Variants in PLCB4 observed in about 807,000 individuals in gnomAD.
PLCB4 encodes the protein phospholipase C beta 4.
A neutral mutation model predicts 178.8 loss-of-function variants in PLCB4; 77 were observed. The observed-to-expected ratio is 0.43, with a 90% CI of 0.36 to 0.52. The LOEUF is 0.52. Ranked by LOEUF, PLCB4 falls within the 20% of genes least tolerant of loss-of-function variation. The pLI, the probability that PLCB4 is intolerant of heterozygous loss-of-function variation, is 0.00. For missense variants in PLCB4, 1,024 were observed against 1,453.4 expected (o/e 0.70, Z 4.80); for synonymous variants, 496 against 490.8 (o/e 1.01, Z -0.14).
chr20:9,347,149 A>G (rs1198001213), intron 7 of PLCB4, among the ~76,000 whole-genome samples: 2 of 152,176 alleles, frequency 1.3e-5, no homozygotes, highest in African/African-American at 4.8e-5. Flanking sequence ...AGCTGAAAAC[A>G]TGTCAGGCAA....
intron 3 of PLCB4, among the ~76,000 whole-genome samples, chr20:9,242,460 C>A (rs1291273285): frequency 6.6e-6 from 1 of 152,198 alleles, no homozygotes; most frequent in African/African-American, 2.4e-5. Flanking sequence ...GACAAGCTTG[C>A]CTCAGGGTGA....
intron 28 of PLCB4, among the ~76,000 whole-genome samples, chr20:9,430,459 C>T (rs1362612018): frequency 6.6e-6 from 1 of 152,196 alleles, no homozygotes; most frequent in Non-Finnish European, 1.5e-5. Flanking sequence ...AAGGCAGCCT[C>T]TAACTGCAAA....
At position 9,449,504 on chromosome 20, in the gene PLCB4, C is replaced by T. The variant is rs142906940; in HGVS notation, c.2881-3843C>T. ...GGAGAGTAGATGGGTCAGTCGTGTC[C>T]TCTTAAAGGAGAGTCAAAAAATCAG... On this transcript the variant is annotated intron_variant, in intron 32 of 39. Transcript: ENST00000378473. Among the ~76,000 whole-genome samples the T allele has an allele frequency of 5.3e-5, 8 of 152,212 alleles. No homozygotes were observed. In the East Asian group the frequency reaches 5.8e-4, roughly 11 times the overall value.
intron 3 of PLCB4, among the ~76,000 whole-genome samples, chr20:9,267,809 T>C (rs2094364006): frequency 6.6e-6 from 1 of 152,116 alleles, no homozygotes; most frequent in Admixed American, 6.5e-5. Flanking sequence ...GCCCTCATGA[T>C]AGATTTATTT....
chr20:9,282,128 T>C (rs1229159463), intron 3 of PLCB4, among the ~76,000 whole-genome samples: 1 of 151,896 alleles, frequency 6.6e-6, no homozygotes, highest in Non-Finnish European at 1.5e-5. Flanking sequence ...AAAAGAGATA[T>C]AGAACAAAAT....
chr20:9,192,518 AT>A (rs1439596524), intron 2 of PLCB4, among the ~76,000 whole-genome samples: 6 of 143,526 alleles, frequency 4.2e-5, no homozygotes, highest in Admixed American at 1.4e-4. Flanking sequence ...AGAGTCTTGA[AT>A]TTTTTTTTCT....
intron 3 of PLCB4, among the ~76,000 whole-genome samples, chr20:9,229,671 T>C (rs564039068): frequency 6.6e-6 from 1 of 152,012 alleles, no homozygotes; most frequent in Non-Finnish European, 1.5e-5. Flanking sequence ...TTACAACAAA[T>C]CTGGGTTCTT....
At chr20:9,361,295 C>T (rs1029310818) in intron 7 of PLCB4, among the ~76,000 whole-genome samples, 1 of 152,138 alleles carries the variant, frequency 6.6e-6, no homozygotes. Flanking sequence ...ATTATTCAGC[C>T]TTTAAAAGGG....
chr20:9,365,727 A>C (rs2035720128), intron 9 of PLCB4, among the ~76,000 whole-genome samples: 1 of 152,244 alleles, frequency 6.6e-6, no homozygotes, highest in African/African-American at 2.4e-5. Context: ...TAGGTGGCAA[A>C]AGAGGTACTT....
chr20:9,263,380 C>G (rs190536607), intron 3 of PLCB4, among the ~76,000 whole-genome samples: 35 of 152,280 alleles, frequency 2.3e-4, no homozygotes, highest in African/African-American at 8.2e-4. Context: ...CCATCACTGT[C>G]TTTTCTTTTC....
chr20:9,376,847 A>G (rs991959316), intron 12 of PLCB4, among the ~76,000 whole-genome samples: 2 of 152,078 alleles, frequency 1.3e-5, no homozygotes, highest in African/African-American at 4.8e-5. Context: ...ATCAAGGAGT[A>G]GCTTTACTTT....
At chr20:9,165,245 A>G (rs1035684946) in intron 2 of PLCB4, among the ~76,000 whole-genome samples, 1 of 152,238 alleles carries the variant, frequency 6.6e-6, no homozygotes, top group Non-Finnish European at 1.5e-5. Context: ...CAAAGCATAT[A>G]CTAAATATCC....
chr20:9,390,042 A>C, intron 16 of PLCB4, 84 bp downstream of exon 16: 1 of 710,940 alleles, frequency 1.4e-6, no homozygotes, highest in Non-Finnish European at 2.5e-6. Context: ...CAACTTTTTA[A>C]ATAGCTGAAT....
chr20:9,097,577 T>C (rs1036192994), intron 2 of PLCB4, among the ~76,000 whole-genome samples: 2 of 152,054 alleles, frequency 1.3e-5, no homozygotes, highest in Non-Finnish European at 2.9e-5. Context: ...GAAGTTAGGG[T>C]ATAGAAACAA....
intron 3 of PLCB4, among the ~76,000 whole-genome samples, chr20:9,247,334 T>C (rs1231447107): frequency 6.6e-6 from 1 of 152,240 alleles, no homozygotes; most frequent in Non-Finnish European, 1.5e-5. Flanking sequence ...TCCCCAGTTG[T>C]CATCACATAA....
rs1463142235 is a variant in PLCB4, at chr20:9,437,159, G to A, written c.2764+7G>A. The A allele has an allele frequency of 1.2e-6, 2 of 1,612,878 alleles. No homozygotes were observed. Among genetic ancestry groups the A allele is most frequent in the East Asian group, 4.5e-5 (2 of 44,856 alleles). On this transcript the variant is annotated splice_region_variant and intron_variant, in intron 30 of 39. Transcript: ENST00000378473. ...GGTGTGGAAGCCAAGAAAGGTGAGA[G>A]AGAGCCGTTGGGTTCCTTATCTTCT...
At chr20:9,177,409 G>A (rs1243514242) in intron 2 of PLCB4, among the ~76,000 whole-genome samples, 2 of 152,148 alleles carry the variant, frequency 1.3e-5, no homozygotes, top group African/African-American at 4.8e-5. Flanking sequence ...ACCAAGCAGA[G>A]CCTCGGGACT....
At chr20:9,173,797 C>T (rs1288885941) in intron 2 of PLCB4, among the ~76,000 whole-genome samples, 1 of 152,104 alleles carries the variant, frequency 6.6e-6, no homozygotes, top group Non-Finnish European at 1.5e-5. Context: ...TCTGCAAAGC[C>T]CCCTTTGCTG....
At chr20:9,222,828 T>C (rs1442304426) in intron 3 of PLCB4, among the ~76,000 whole-genome samples, 3 of 152,170 alleles carry the variant, frequency 2.0e-5, no homozygotes, top group Non-Finnish European at 4.4e-5. Context: ...AAAGGCCTTA[T>C]TCTGTTTGAA....
Sources: gnomAD v4.1 joint callset for allele counts (sites outside exome capture counted in the v4.1 genomes callset) on GRCh38, gnomAD v4.1.1 for gene constraint, MANE v1.5 for transcripts, NCBI Gene and HGNC (gene_info 2026-07-23, HGNC 2026-07-21) for gene names.